Variants in DCP1B observed in about 807,000 individuals in gnomAD.
DCP1B encodes decapping mRNA 1B.
Under a neutral mutation model 60.5 loss-of-function variants are expected in DCP1B, and 47 were observed. The ratio of observed to expected loss-of-function variants is 0.78; its 90% CI spans 0.61 to 0.99. The LOEUF (loss-of-function observed/expected upper bound fraction) is 0.99, where lower values mean the gene tolerates loss of function less well. Among genes scored for constraint, DCP1B ranks in the 50% least tolerant of loss-of-function variants. DCP1B has a pLI of 0.00. For synonymous variants in DCP1B, 267 were observed against 280.3 expected (o/e 0.95, Z 0.47); for missense variants, 725 against 756.8 (o/e 0.96, Z 0.49).
chr12:1,996,630 AAAAAAAAAAAAAAAAAAAAAAAAAAC>A (rs1285172675), intron 2 of DCP1B, among the ~76,000 whole-genome samples: 6 of 113,004 alleles, frequency 5.3e-5, no homozygotes, highest in East Asian at 2.4e-4. Context: ...AAAAAAAAAA[AAAAAAAAAAAAAAAAAAAAAAAAAAC>A]AACAAACTCT....
intron 3 of DCP1B, chr12:1,992,572 C>T: frequency 6.5e-6 from 1 of 154,896 alleles, no homozygotes; most frequent in Non-Finnish European, 1.4e-5. Flanking sequence ...TAGAGATGTC[C>T]CTGCAACTGG....
intron 1 of DCP1B, among the ~76,000 whole-genome samples, chr12:2,002,169 C>T (rs1382934597): frequency 6.6e-6 from 1 of 152,206 alleles, no homozygotes; most frequent in Non-Finnish European, 1.5e-5. Context: ...CATTCTTCAT[C>T]CATTTTCAGG....
At chr12:1,969,444 TG>T (rs34007769) in intron 3 of DCP1B, among the ~76,000 whole-genome samples, 1 of 150,750 alleles carries the variant, frequency 6.6e-6, no homozygotes. Context: ...GCACGTGAAG[TG>T]GGGGGGAAGT....
intron 1 of DCP1B, among the ~76,000 whole-genome samples, chr12:2,002,335 C>T (rs1240668785): frequency 6.6e-6 from 1 of 152,206 alleles, no homozygotes. Context: ...AATTAGTTTG[C>T]CTCCAGCAAC....
intron 3 of DCP1B, among the ~76,000 whole-genome samples, chr12:1,989,505 G>A (rs906990615): frequency 6.6e-6 from 1 of 152,232 alleles, no homozygotes; most frequent in African/African-American, 2.4e-5. Flanking sequence ...CTTGAAGTCA[G>A]GAGTTTGAGA....
intron 3 of DCP1B, among the ~76,000 whole-genome samples, chr12:1,983,706 G>A (rs925721167): frequency 7.2e-5 from 11 of 151,954 alleles, no homozygotes; most frequent in Non-Finnish European, 1.3e-4. Context: ...GCTGTCATTC[G>A]ATAGAATATA....
chr12:1,947,286 C>T (rs2030467178), intron 8 of DCP1B, among the ~76,000 whole-genome samples: 1 of 152,230 alleles, frequency 6.6e-6, no homozygotes, highest in Non-Finnish European at 1.5e-5. Flanking sequence ...TTCACCCACA[C>T]TTCACATTCC....
chr12:1,989,725 C>T (rs1467527520), intron 3 of DCP1B, among the ~76,000 whole-genome samples: 4 of 152,126 alleles, frequency 2.6e-5, no homozygotes, highest in African/African-American at 9.7e-5. Flanking sequence ...ATTGAAAAAG[C>T]AAGAAAAGAA....
At position 2,004,395 on chromosome 12, in the gene DCP1B, CCT is replaced by C. The variant is rs1251315160; in HGVS notation, c.35_36del (p.Lys12ArgfsTer42). The C allele has an allele frequency of 6.2e-7, 1 of 1,612,202 alleles. No homozygotes were observed. The highest frequency in any genetic ancestry group is 8.5e-7 in the Non-Finnish European group (1 of 1,179,630). ...AAVAAGGLVG[K>X]GRDISLAALQ... ...AGGGCCGCTAGGCTGATGTCGCGCC[CCT>C]TTCCCACCAGGCCGCCTGCCGCCAC... On this transcript the variant is annotated frameshift_variant, in exon 1 of 9. Coordinates refer to ENST00000280665, the MANE Select transcript of DCP1B (RefSeq NM_152640.5). LOFTEE classifies it high-confidence loss of function.
At chr12:1,955,679 T>C in intron 5 of DCP1B, 119 bp from the exon 6 acceptor site, 3 of 1,176,028 alleles carry the variant, frequency 2.6e-6, no homozygotes, top group Middle Eastern at 2.8e-4. Flanking sequence ...TAGATTTTCA[T>C]GCACAAAGGA....
At chr12:1,972,296 C>T (rs2032629760) in intron 3 of DCP1B, among the ~76,000 whole-genome samples, 1 of 152,188 alleles carries the variant, frequency 6.6e-6, no homozygotes, top group Non-Finnish European at 1.5e-5. Flanking sequence ...TGGAGAATAT[C>T]TAATCATATA....
intron 1 of DCP1B, among the ~76,000 whole-genome samples, chr12:2,003,296 G>A (rs1335654582): frequency 1.3e-5 from 2 of 152,216 alleles, no homozygotes; most frequent in African/African-American, 4.8e-5. Context: ...ATTAAGTTTT[G>A]ATGTTTATAC....
Position 1,962,265 on chromosome 12 carries a change from A to G in DCP1B, c.522+3293T>C, listed in dbSNP as rs2031153273. ...AGAGACGAGGAGATACGTATGGCTC[A>G]GGATTGGTTAGTGTGCATATTAAAG... On this transcript the variant is annotated intron_variant, in intron 5 of 8. Transcript: ENST00000280665. This position sits in a 1 kb window ranked among gnomAD's most constrained non-coding sequence, Gnocchi z 4.4. 6.6e-6 allele frequency among the ~76,000 whole-genome samples: 1 copy of G among 152,192 alleles called. No homozygotes were observed. Among genetic ancestry groups the G allele is most frequent in the South Asian group, 2.1e-4 (1 of 4,832 alleles).
chr12:1,961,950 C>T (rs2154456977), intron 5 of DCP1B, among the ~76,000 whole-genome samples: 1 of 152,190 alleles, frequency 6.6e-6, no homozygotes, highest in Admixed American at 6.5e-5. Context: ...AGAGGAGACA[C>T]AGGAGAGTCT....
intron 7 of DCP1B, among the ~76,000 whole-genome samples, chr12:1,950,971 T>C (rs2030645299): frequency 6.6e-6 from 1 of 152,168 alleles, no homozygotes; most frequent in South Asian, 2.1e-4. Context: ...TTTGAGAAAC[T>C]GTTATAAGTT....
At chr12:2,001,056 G>C (rs2042092519) in intron 1 of DCP1B, among the ~76,000 whole-genome samples, 1 of 151,036 alleles carries the variant, frequency 6.6e-6, no homozygotes, top group Non-Finnish European at 1.5e-5. Context: ...AAAAAAAAGA[G>C]AGATAATCAG....
intron 1 of DCP1B, among the ~76,000 whole-genome samples, chr12:2,003,323 A>G (rs1025411564): frequency 1.3e-5 from 2 of 152,246 alleles, no homozygotes; most frequent in East Asian, 3.8e-4. Flanking sequence ...CTTGAAGAAC[A>G]CAAAAAGTTT....
At chr12:1,986,826 C>G (rs1018983758) in intron 3 of DCP1B, among the ~76,000 whole-genome samples, 2 of 152,256 alleles carry the variant, frequency 1.3e-5, no homozygotes, top group Non-Finnish European at 2.9e-5. Flanking sequence ...CTTTCAGAGG[C>G]CCCAGTTAGT....
At position 1,991,520 on chromosome 12, in the gene DCP1B, T is replaced by C. The variant is rs2039410728; in HGVS notation, c.319+1744A>G. 2.5e-5 allele frequency: 6 copies of C among 240,266 alleles called. No individual in the cohort carries two copies. In the South Asian group the frequency reaches 3.0e-4, roughly 12 times the overall value. The allele number at this position is 240,266 out of a possible 1,614,324, so 14.9% of individuals were successfully genotyped here. On this transcript the variant is annotated intron_variant, in intron 3 of 8. Coordinates refer to ENST00000280665, the MANE Select transcript of DCP1B (RefSeq NM_152640.5). Reference sequence around the variant, plus strand: ...AAATATTGTCATTTCAACATGTTAATATAAAATAATTAATAATTGAGGTTT... The same window carrying C: ...AAATATTGTCATTTCAACATGTTAACATAAAATAATTAATAATTGAGGTTT...
Sources: allele counts gnomAD v4.1 joint callset (sites outside exome capture counted in the v4.1 genomes callset), GRCh38; gene constraint gnomAD v4.1.1; non-coding constraint Gnocchi (gnomAD v3.1); transcripts MANE v1.5; gene names NCBI Gene and HGNC (gene_info 2026-07-23, HGNC 2026-07-21).